ADAM7: variants seen among roughly 807,000 people sequenced by gnomAD.
ADAM7 encodes disintegrin and metalloproteinase domain-containing protein 7.
ADAM7 carries 97 observed loss-of-function variants against 102.9 expected under a neutral mutation model. That is an observed-to-expected ratio of 0.94 (90% confidence interval 0.80 to 1.12). The LOEUF (loss-of-function observed/expected upper bound fraction) is 1.12, where lower values mean the gene tolerates loss of function less well. ADAM7 is among the 50% of genes most tolerant of loss of function. The pLI is 0.00. For synonymous variants in ADAM7, 334 were observed against 304.4 expected (o/e 1.10, Z -1.01); for missense variants, 991 against 908.7 (o/e 1.09, Z -1.16).
At chr8:24,442,105 C>T (rs1585840240) in intron 1 of ADAM7, among the ~76,000 whole-genome samples, 2 of 152,056 alleles carry the variant, frequency 1.3e-5, no homozygotes, top group African/African-American at 4.8e-5. Context: ...ACCGGGGAGG[C>T]GGAGGTTGCA....
At chr8:24,503,868 G>GCCTGTC (rs1458017765) in intron 20 of ADAM7, among the ~76,000 whole-genome samples, 2 of 151,942 alleles carry the variant, frequency 1.3e-5, no homozygotes, top group Non-Finnish European at 2.9e-5. Flanking sequence ...ACACACTGAG[G>GCCTGTC]CCTGTCGGGG....
intron 10 of ADAM7, among the ~76,000 whole-genome samples, 160 bp downstream of exon 10, chr8:24,485,521 A>G (rs1442177098): frequency 2.6e-5 from 4 of 152,210 alleles, no homozygotes; most frequent in Non-Finnish European, 5.9e-5. Flanking sequence ...ATGAATAAAA[A>G]TGTTTTATTG....
intron 1 of ADAM7, 34 bp downstream of exon 1, chr8:24,441,194 T>C: frequency 9.5e-6 from 15 of 1,577,870 alleles, no homozygotes; most frequent in Non-Finnish European, 1.3e-5. Flanking sequence ...GACTTTCTTA[T>C]TATGCTGTGA....
At chr8:24,491,731 CAT>C in intron 13 of ADAM7, 170 bp from the exon 14 acceptor site, 1 of 532,518 alleles carries the variant, frequency 1.9e-6, no homozygotes, top group Non-Finnish European at 3.2e-6. Flanking sequence ...CTTAAAATTA[CAT>C]GAGTGCCAAC....
At chr8:24,494,264 C>T (rs1280439435) in intron 16 of ADAM7, among the ~76,000 whole-genome samples, 2 of 152,144 alleles carry the variant, frequency 1.3e-5, no homozygotes, top group Non-Finnish European at 2.9e-5. Flanking sequence ...ATTTAACTAT[C>T]CTACTTCCTG....
chr8:24,495,285 A>G (rs1270942234), intron 16 of ADAM7, among the ~76,000 whole-genome samples: 1 of 152,176 alleles, frequency 6.6e-6, no homozygotes, highest in African/African-American at 2.4e-5. Flanking sequence ...ACAAAAGACA[A>G]TCTCTAGATG....
At chr8:24,456,495 G>A (rs1481565817) in intron 3 of ADAM7, among the ~76,000 whole-genome samples, 1 of 152,146 alleles carries the variant, frequency 6.6e-6, no homozygotes, top group Non-Finnish European at 1.5e-5. Flanking sequence ...ACACCCACAA[G>A]TGGAATTGCT....
At chr8:24,454,209 C>CA (rs1818913013) in intron 3 of ADAM7, among the ~76,000 whole-genome samples, 1 of 152,226 alleles carries the variant, frequency 6.6e-6, no homozygotes, top group South Asian at 2.1e-4. Context: ...TTTAAGTCTG[C>CA]AGAGGTTACT....
At position 24,491,001 on chromosome 8, in the gene ADAM7, G is replaced by T. The variant is rs1400591024; in HGVS notation, c.1356+113G>T. ...CACCACTGACTCCAAAATGAAGCTA[G>T]GCTTGCAAGTACCCAACAGAGATTC... is the stretch of plus-strand genomic sequence containing the variant. On this transcript the variant is annotated intron_variant, in intron 13 of 21. Coordinates refer to ENST00000175238, the MANE Select transcript of ADAM7 (RefSeq NM_003817.4). The T allele has an allele frequency of 4.9e-6, 5 of 1,014,580 alleles. No homozygotes were observed. In the South Asian group the frequency reaches 6.1e-5, roughly 12 times the overall value. 62.8% of individuals were successfully genotyped at this position (1,014,580 alleles called of 1,614,324 possible).
intron 10 of ADAM7, among the ~76,000 whole-genome samples, chr8:24,486,512 T>C (rs1211791817): frequency 1.3e-5 from 2 of 152,190 alleles, no homozygotes; most frequent in Admixed American, 6.5e-5. Flanking sequence ...ACTTATTATA[T>C]TGTGTAGGAT....
intron 7 of ADAM7, among the ~76,000 whole-genome samples, chr8:24,473,316 G>C (rs968305211): frequency 3.3e-5 from 5 of 152,082 alleles, no homozygotes; most frequent in African/African-American, 1.2e-4. Flanking sequence ...GACTCATGCA[G>C]CTGCAGTAAT....
At chr8:24,442,435 A>G (rs1225956764) in intron 1 of ADAM7, 38 bp from the exon 2 acceptor site, 2 of 1,390,338 alleles carry the variant, frequency 1.4e-6, no homozygotes, top group Non-Finnish European at 2.0e-6. Flanking sequence ...ACGAATGTTA[A>G]TGTCAGACGG....
At chr8:24,508,109 T>C (rs1285593748) in intron 21 of ADAM7, among the ~76,000 whole-genome samples, 2 of 152,140 alleles carry the variant, frequency 1.3e-5, no homozygotes, top group African/African-American at 4.8e-5. Flanking sequence ...TCCTCCTTTA[T>C]TTCTGCTGAG....
At chr8:24,459,658 C>T (rs2129379229) in intron 3 of ADAM7, among the ~76,000 whole-genome samples, 1 of 152,124 alleles carries the variant, frequency 6.6e-6, no homozygotes, top group East Asian at 1.9e-4. Flanking sequence ...TGGGTTTTCG[C>T]CTTGTTGCCC....
chr8:24,464,683 C>T (rs1431209685), intron 4 of ADAM7, among the ~76,000 whole-genome samples: 1 of 152,246 alleles, frequency 6.6e-6, no homozygotes, highest in Non-Finnish European at 1.5e-5. Flanking sequence ...TCACTGCAAC[C>T]TCCGCCTCCC....
intron 3 of ADAM7, among the ~76,000 whole-genome samples, chr8:24,460,374 G>C (rs987889049): frequency 3.3e-5 from 5 of 151,878 alleles, no homozygotes; most frequent in African/African-American, 1.2e-4. Context: ...AACATTTAAT[G>C]TTAATGTTAC....
At chr8:24,475,955 G>C in intron 7 of ADAM7, 1 of 456,314 alleles carries the variant, frequency 2.2e-6, no homozygotes, top group South Asian at 1.6e-5. Flanking sequence ...ACAGTTTCCT[G>C]TCCCTCTTCA....
intron 16 of ADAM7, among the ~76,000 whole-genome samples, chr8:24,496,579 G>A (rs189768912): frequency 6.6e-6 from 1 of 152,300 alleles, no homozygotes; most frequent in African/African-American, 2.4e-5. Flanking sequence ...TCAAGACTAT[G>A]GGAACCCACC....
chr8:24,451,638 T>A (rs1818794435), intron 3 of ADAM7, among the ~76,000 whole-genome samples: 1 of 151,852 alleles, frequency 6.6e-6, no homozygotes, highest in African/African-American at 2.4e-5. Flanking sequence ...GTTTTTTGTG[T>A]CTCTATTTCC....
Sources: allele counts gnomAD v4.1 joint callset (sites outside exome capture counted in the v4.1 genomes callset), GRCh38; gene constraint gnomAD v4.1.1; transcripts MANE v1.5; gene names NCBI Gene and HGNC (gene_info 2026-07-23, HGNC 2026-07-21).